CPEB4: variants seen among roughly 807,000 people sequenced by gnomAD.
The protein encoded by CPEB4 is cytoplasmic polyadenylation element binding protein 4.
CPEB4 carries 12 observed loss-of-function variants against 72.5 expected under a neutral mutation model. That is an observed-to-expected ratio of 0.17 (90% CI 0.11 to 0.27). CPEB4 has a LOEUF of 0.27. Among genes scored for constraint, CPEB4 ranks in the 10% least tolerant of loss-of-function variants. The pLI, the probability that CPEB4 is intolerant of heterozygous loss-of-function variation, is 1.00. For missense variants in CPEB4, 614 were observed against 908.5 expected, an observed-to-expected ratio of 0.68 and a Z score of 4.17; for synonymous variants, 302 against 326.3, an observed-to-expected ratio of 0.93 and a Z score of 0.80.
chr5:173,915,022 C>G (rs1006236128), intron 2 of CPEB4, among the ~76,000 whole-genome samples: 1 of 152,090 alleles, frequency 6.6e-6, no homozygotes, highest in Non-Finnish European at 1.5e-5. Context: ...CCAGTTGAAT[C>G]TATTGGTGTG....
At chr5:173,909,280 A>T (rs529032548) in intron 1 of CPEB4, among the ~76,000 whole-genome samples, 1 of 152,272 alleles carries the variant, frequency 6.6e-6, no homozygotes, top group East Asian at 1.9e-4. Context: ...TTGCTTTCTC[A>T]TCTAAATTCT....
chr5:173,940,552 G>A (rs1450485630), intron 3 of CPEB4, among the ~76,000 whole-genome samples: 1 of 152,102 alleles, frequency 6.6e-6, no homozygotes, highest in Non-Finnish European at 1.5e-5. Context: ...ATAAAGTGGC[G>A]TTATTTAGCA....
At chr5:173,913,375 T>A (rs995307955) in intron 2 of CPEB4, among the ~76,000 whole-genome samples, 1 of 152,108 alleles carries the variant, frequency 6.6e-6, no homozygotes, top group Non-Finnish European at 1.5e-5. Context: ...TTTTTGTATT[T>A]TTAGTAGAGA....
intron 2 of CPEB4, among the ~76,000 whole-genome samples, chr5:173,922,900 T>G (rs1394280017): frequency 6.6e-6 from 1 of 152,270 alleles, no homozygotes; most frequent in Non-Finnish European, 1.5e-5. Context: ...TATCAGGGAC[T>G]AACTAAAAAC....
At position 173,916,632 on chromosome 5, in the gene CPEB4, G is replaced by C. The variant is rs572080175; in HGVS notation, c.1207+6028G>C. 3.3e-5 allele frequency among the ~76,000 whole-genome samples: 5 copies of C among 152,252 alleles called. No individual in the cohort carries two copies. In the East Asian group the frequency reaches 9.6e-4, roughly 29 times the overall value. On this transcript the variant is annotated intron_variant, in intron 2 of 9. Transcript: ENST00000265085. ...GCTTTATCTACGTGTTAAATTTAGA[G>C]ACCCTTCCCTGACTATTTTTCATTG... is the stretch of plus-strand genomic sequence containing the variant.
intron 2 of CPEB4, among the ~76,000 whole-genome samples, chr5:173,915,308 A>G (rs1446041590): frequency 1.3e-5 from 2 of 152,082 alleles, no homozygotes. Flanking sequence ...TTTTTTTATA[A>G]CTTATTTTTA....
Position 173,955,601 on chromosome 5 carries a change from A to C in CPEB4, c.1963-309A>C, listed in dbSNP as rs115846807. Among the ~76,000 whole-genome samples the C allele has an allele frequency of 4.7e-4, 72 of 152,278 alleles. No individual in the cohort carries two copies. The highest frequency in any genetic ancestry group is 2.8e-4 in the Non-Finnish European group (19 of 68,030). ...AAATGAGGGTTTATGTCTATGAATA[A>C]TCTCCTGTGGGTTTAATCTCATAAC... is the stretch of plus-strand genomic sequence containing the variant. On this transcript the variant is annotated intron_variant, in intron 9 of 9. Transcript: ENST00000265085. This position sits in a 1 kb window ranked among gnomAD's most constrained non-coding sequence, Gnocchi z 4.7.
rs994218696 is a variant in CPEB4, at chr5:173,959,285, T to C, written c.*3148T>C. 6 of 152,802 alleles carry C rather than the reference T, an allele frequency of 3.9e-5. No homozygotes were observed. Among genetic ancestry groups the C allele is most frequent in the African/African-American group, 1.4e-4 (6 of 41,458 alleles). The allele number at this position is 152,802 out of a possible 1,614,324, so 9.5% of individuals were successfully genotyped here. On this transcript the variant is annotated 3_prime_UTR_variant, in exon 10 of 10. Coordinates refer to ENST00000265085, the MANE Select transcript of CPEB4 (RefSeq NM_030627.4). ...AAATAAAGTGTTTCTGATTATTTTC[T>C]ATGTAAAGGAACCCTCTCCTTTCCC...
chr5:173,949,721 CT>C (rs1454996524), intron 6 of CPEB4, 124 bp downstream of exon 6: 1 of 729,104 alleles, frequency 1.4e-6, no homozygotes, highest in Non-Finnish European at 2.2e-6. Flanking sequence ...TTCCCAAATG[CT>C]CTTTAAAATT....
In CPEB4 at chr5:173,890,535, T is replaced by G; in HGVS notation, c.802T>G (p.Phe268Val). ...ACCCTTCACACATAGAAATGCTGCT[T>G]TTAACCAGCTGCCTCATTTGGCGAA... ...PPPFTHRNAA[F>V]NQLPHLANNL... Residue 268 changes from phenylalanine (F) to valine (V), a missense_variant, in exon 1 of 10, where the codon TTT (phenylalanine) becomes GTT (valine). Around this residue, in one of 5 missense-constraint regions of CPEB4, gnomAD observed 458 missense variants for 548.6 expected, o/e 0.83. Coordinates refer to ENST00000265085, the MANE Select transcript of CPEB4 (RefSeq NM_030627.4). 6.2e-7 allele frequency: 1 copy of G among 1,614,060 alleles called. No homozygotes were observed. The highest frequency in any genetic ancestry group is 8.5e-7 in the Non-Finnish European group (1 of 1,180,006).
intron 1 of CPEB4, chr5:173,892,997 C>CT (rs1245619860): frequency 7.2e-6 from 1 of 139,760 alleles, no homozygotes; most frequent in Non-Finnish European, 1.5e-5. Flanking sequence ...ATTTGTAGCT[C>CT]TGTGTGTGTG....
Position 173,888,367 on chromosome 5 carries a change from GAGA to G in CPEB4, c.-1364_-1362del, listed in dbSNP as rs1166695307. On this transcript the variant is annotated 5_prime_UTR_variant, in exon 1 of 10. Coordinates refer to ENST00000265085, the MANE Select transcript of CPEB4 (RefSeq NM_030627.4). The surrounding 1 kb of genome is among the most constrained non-coding windows in gnomAD (Gnocchi z 4.3). Reference sequence around the variant, plus strand: ...TCATTTCACTCGGCTCGGTCCTGAGGAGAAGGACTCAGCCGCGGCTGCGGGACC... The same window carrying G: ...TCATTTCACTCGGCTCGGTCCTGAGGAGGACTCAGCCGCGGCTGCGGGACC... The G allele has an allele frequency of 1.1e-5, 5 of 445,080 alleles. No individual in the cohort carries two copies. The highest frequency in any genetic ancestry group is 1.9e-5 in the Non-Finnish European group (5 of 258,564). 27.6% of individuals were successfully genotyped at this position (445,080 alleles called of 1,614,324 possible). A position where few individuals can be genotyped will look rare whatever the true frequency, so the allele number is the denominator to read the frequency against.
At chr5:173,922,148 G>C (rs1206717528) in intron 2 of CPEB4, among the ~76,000 whole-genome samples, 1 of 152,192 alleles carries the variant, frequency 6.6e-6, no homozygotes, top group African/African-American at 2.4e-5. Context: ...CTCTGAGAAG[G>C]AAACAAACAT....
intron 3 of CPEB4, among the ~76,000 whole-genome samples, chr5:173,937,932 A>G (rs1757687360): frequency 6.6e-6 from 1 of 152,234 alleles, no homozygotes; most frequent in South Asian, 2.1e-4. Flanking sequence ...TTCTAACTAT[A>G]AAGCAAATGT....
At chr5:173,953,471 G>T in intron 9 of CPEB4, 199 bp downstream of exon 9, 1 of 435,916 alleles carries the variant, frequency 2.3e-6, no homozygotes, top group Non-Finnish European at 4.1e-6. Flanking sequence ...AGCCTAATCA[G>T]AACACTACAA....
At chr5:173,892,330 A>G (rs1312940621) in intron 1 of CPEB4, among the ~76,000 whole-genome samples, 1 of 141,644 alleles carries the variant, frequency 7.1e-6, no homozygotes, top group Non-Finnish European at 1.5e-5. Context: ...AAAGGGTTTC[A>G]GTTGTTAAAA....
rs1228983898 is a variant in CPEB4, at chr5:173,959,024, G to A, written c.*2887G>A. 6.5e-6 allele frequency: 1 copy of A among 152,684 alleles called. No individual in the cohort carries two copies. The highest frequency in any genetic ancestry group is 1.9e-4 in the East Asian group (1 of 5,338). The allele number at this position is 152,684 out of a possible 1,614,324, so 9.5% of individuals were successfully genotyped here. On this transcript the variant is annotated 3_prime_UTR_variant, in exon 10 of 10. Coordinates refer to ENST00000265085, the MANE Select transcript of CPEB4 (RefSeq NM_030627.4). ...TATTGGTTACACTTCAATTTACAGG[G>A]CATAAACAATGATTATCTATTACTC...
Position 173,959,037 on chromosome 5 carries a change from TTATC to T in CPEB4, c.*2904_*2907del, listed in dbSNP as rs768191450. ...TCAATTTACAGGGCATAAACAATGA[TTATC>T]TATTACTCTGAACTTTATGATTACA... On this transcript the variant is annotated 3_prime_UTR_variant, in exon 10 of 10. Coordinates refer to ENST00000265085, the MANE Select transcript of CPEB4 (RefSeq NM_030627.4). 5 of 152,804 alleles carry T rather than the reference TTATC, an allele frequency of 3.3e-5. No homozygotes were observed. The highest frequency in any genetic ancestry group is 1.2e-4 in the African/African-American group (5 of 41,458). The allele number at this position is 152,804 out of a possible 1,614,324, so 9.5% of individuals were successfully genotyped here. A position where few individuals can be genotyped will look rare whatever the true frequency, so the allele number is the denominator to read the frequency against.
Position 173,890,047 on chromosome 5 carries a change from G to C in CPEB4, c.314G>C (p.Gly105Ala). Residue 105 changes from glycine to alanine, a missense_variant, in exon 1 of 10, where the codon GGA becomes GCA. Physicochemically the swap from Gly to Ala is moderately conservative, Grantham distance 60. This residue lies in a region of CPEB4 where 458 missense variants were observed against 548.6 expected (regional missense o/e 0.83). Coordinates refer to ENST00000265085, the MANE Select transcript of CPEB4 (RefSeq NM_030627.4). ...QLSPSPGQEAGILPETEKAKS... is the reference protein window; with the variant it reads ...QLSPSPGQEAAILPETEKAKS... ...TCCCCAAGTCCAGGTCAGGAAGCTG[G>C]AATACTGCCTGAAACAGAGAAGGCA... The C allele has an allele frequency of 2.5e-6, 4 of 1,614,122 alleles. No homozygotes were observed. Among genetic ancestry groups the C allele is most frequent in the Non-Finnish European group, 3.4e-6 (4 of 1,180,012 alleles).
Sources: allele counts gnomAD v4.1 joint callset (sites outside exome capture counted in the v4.1 genomes callset), GRCh38; gene constraint gnomAD v4.1.1; regional missense constraint gnomAD v4.1.1; non-coding constraint Gnocchi (gnomAD v3.1); transcripts MANE v1.5; gene names NCBI Gene and HGNC (gene_info 2026-07-23, HGNC 2026-07-21).